Variants in TICRR observed in about 807,000 individuals in gnomAD.
TICRR encodes treslin.
TICRR carries 132 observed loss-of-function variants against 178.1 expected under a neutral mutation model. The ratio of observed to expected loss-of-function variants is 0.74; its 90% CI spans 0.64 to 0.86. The LOEUF (loss-of-function observed/expected upper bound fraction) is 0.86, where lower values mean the gene tolerates loss of function less well. TICRR is among the 40% of genes least tolerant of loss of function. TICRR has a pLI of 0.00. For missense variants in TICRR, 2,587 were observed against 2,334.3 expected (o/e 1.11, Z -2.23); for synonymous variants, 991 against 900.7 (o/e 1.10, Z -1.79).
rs770981918 is a variant in TICRR, at chr15:89,623,604, T to G, written c.3313-19T>G. On this transcript the variant is annotated intron_variant, in intron 19 of 21. Coordinates refer to ENST00000268138, the MANE Select transcript of TICRR (RefSeq NM_152259.4). ...GAGTTATAATATTCAAGGACTGAAA[T>G]AAGCATTTCTCTTTTCAGACTCCCA... is the stretch of plus-strand genomic sequence containing the variant. 1 of 1,586,602 alleles carries G rather than the reference T, an allele frequency of 6.3e-7. No homozygotes were observed. The highest frequency in any genetic ancestry group is 8.6e-7 in the Non-Finnish European group (1 of 1,169,158).
At position 89,627,228 on chromosome 15, in the gene TICRR, C is replaced by G; in HGVS notation, c.*142C>G. The G allele has an allele frequency of 1.0e-6, 1 of 995,004 alleles. No individual in the cohort carries two copies. Among genetic ancestry groups the G allele is most frequent in the Admixed American group, 2.6e-5 (1 of 38,110 alleles). 61.6% of individuals were successfully genotyped at this position (995,004 alleles called of 1,614,324 possible). On this transcript the variant is annotated 3_prime_UTR_variant, in exon 22 of 22. Transcript: ENST00000268138. ...TAGAATGCCTTAGGGTTTTCTAATT[C>G]CCCTTATGGATCCAATCCATCTCCT...
At chr15:89,615,628 T>G (rs1025686369) in intron 15 of TICRR, among the ~76,000 whole-genome samples, 1 of 152,186 alleles carries the variant, frequency 6.6e-6, no homozygotes, top group South Asian at 2.1e-4. Flanking sequence ...CCATTCTTAC[T>G]GGCATCACTC....
intron 1 of TICRR, among the ~76,000 whole-genome samples, chr15:89,581,761 T>A (rs1962730079): frequency 1.3e-5 from 2 of 152,190 alleles, no homozygotes; most frequent in African/African-American, 2.4e-5. Flanking sequence ...GGGAAGCCTT[T>A]CAGAATTTCA....
intron 9 of TICRR, among the ~76,000 whole-genome samples, 189 bp from the exon 10 acceptor site, chr15:89,601,109 C>A (rs1363968049): frequency 7.0e-6 from 1 of 142,894 alleles, no homozygotes; most frequent in East Asian, 2.1e-4. Context: ...GTAGCCAATT[C>A]TTTTTTATGT....
At chr15:89,579,302 C>T (rs7179431) in intron 1 of TICRR, among the ~76,000 whole-genome samples, 3,096 of 152,156 alleles carry the variant, frequency 0.02, 96 homozygotes, top group African/African-American at 0.066. Flanking sequence ...AATACGCATA[C>T]GAGTGAAAAA....
At chr15:89,596,335 A>G (rs1451328227) in intron 7 of TICRR, among the ~76,000 whole-genome samples, 2 of 151,494 alleles carry the variant, frequency 1.3e-5, no homozygotes, top group East Asian at 3.9e-4. Flanking sequence ...TTTCTGTTTT[A>G]TTCCTCTTTT....
intron 1 of TICRR, among the ~76,000 whole-genome samples, chr15:89,576,973 A>G (rs953712096): frequency 1.3e-5 from 2 of 151,254 alleles, no homozygotes; most frequent in Admixed American, 6.6e-5. Context: ...GCTCACTGCA[A>G]CCTCCACCCC....
intron 15 of TICRR, among the ~76,000 whole-genome samples, chr15:89,615,021 G>C (rs538434409): frequency 3.3e-4 from 51 of 152,322 alleles, no homozygotes; most frequent in African/African-American, 9.6e-4. Context: ...CTACACGTGT[G>C]TGGACTTTTG....
At position 89,600,667 on chromosome 15, in the gene TICRR, A is replaced by C. The variant is rs1963078457; in HGVS notation, c.2135A>C (p.Lys712Thr). The change falls in exon 9 of 22, where the codon AAG becomes ACG. Residue 712 changes from lysine (K) to threonine (T), a missense_variant. Physicochemically the swap from Lys to Thr is moderately conservative, Grantham distance 78. Transcript: ENST00000268138. ...CAGAATCTAGGAAAAAAACTGGATAAGGAAGACAAAGTTAGAGAGTAAGTA... is the reference window on the plus strand; with the variant it reads ...CAGAATCTAGGAAAAAAACTGGATACGGAAGACAAAGTTAGAGAGTAAGTA... Reference protein sequence around the residue: ...LRQNLGKKLDKEDKVRECQLQ... With the variant: ...LRQNLGKKLDTEDKVRECQLQ... The C allele has an allele frequency of 1.3e-6, 2 of 1,565,680 alleles. No homozygotes were observed. Among genetic ancestry groups the C allele is most frequent in the Non-Finnish European group, 1.7e-6 (2 of 1,144,538 alleles).
chr15:89,626,064 A>T lies in TICRR; in HGVS notation c.5602+3A>T, dbSNP rs1330077472. 6.2e-7 allele frequency: 1 copy of T among 1,613,544 alleles called. No individual in the cohort carries two copies. ...CTCTCAGAGCAAAGACCCCAGAGGT[A>T]ATGTTTGTTGAAGGTCTAGGACCCT... is the stretch of plus-strand genomic sequence containing the variant. On this transcript the variant is annotated splice_donor_region_variant and intron_variant, in intron 21 of 21. Transcript: ENST00000268138.
At chr15:89,583,962 G>A (rs1443275198) in intron 2 of TICRR, among the ~76,000 whole-genome samples, 1 of 152,064 alleles carries the variant, frequency 6.6e-6, no homozygotes, top group Non-Finnish European at 1.5e-5. Context: ...TGCTGAGATT[G>A]CAGGCATGAG....
intron 15 of TICRR, among the ~76,000 whole-genome samples, chr15:89,614,306 T>C (rs1181662566): frequency 6.6e-6 from 1 of 151,922 alleles, no homozygotes; most frequent in Non-Finnish European, 1.5e-5. Context: ...CATAATTTTG[T>C]TGACAACTGG....
intron 1 of TICRR, among the ~76,000 whole-genome samples, chr15:89,577,626 T>TTTTTA (rs1491014837): frequency 7.6e-6 from 1 of 131,996 alleles, no homozygotes; most frequent in Non-Finnish European, 1.5e-5. Context: ...TTTTTTTTTT[T>TTTTTA]GAGACAGAGT....
At chr15:89,614,857 C>T (rs763861721) in intron 15 of TICRR, among the ~76,000 whole-genome samples, 43 of 152,282 alleles carry the variant, frequency 2.8e-4, no homozygotes, top group Non-Finnish European at 5.7e-4. Context: ...TTTCACAGCC[C>T]CTACTGAGGG....
intron 1 of TICRR, among the ~76,000 whole-genome samples, chr15:89,577,191 C>T (rs957999150): frequency 6.6e-6 from 1 of 152,076 alleles, no homozygotes; most frequent in Admixed American, 6.6e-5. Context: ...CACGCCCAGC[C>T]ACCCAGATGT....
chr15:89,611,378 T>C (rs1233434157), intron 15 of TICRR, among the ~76,000 whole-genome samples: 1 of 152,222 alleles, frequency 6.6e-6, no homozygotes, highest in Non-Finnish European at 1.5e-5. Flanking sequence ...CTTATTAAGC[T>C]GCTTCTCTAT....
In TICRR at chr15:89,623,551, G is replaced by C. The variant is rs138837238; in HGVS notation, c.3313-72G>C. ...ACTATAAATCTCCCATTTGGTCTTA[G>C]AGATTACTAAAACACTTCAGAGATC... On this transcript the variant is annotated intron_variant, in intron 19 of 21. Transcript: ENST00000268138. 520 of 1,445,070 alleles carry C rather than the reference G, an allele frequency of 3.6e-4. 3 individuals carry two copies. In the African/African-American group the frequency reaches 6.5e-3, roughly 18 times the overall value. The allele number at this position is 1,445,070 out of a possible 1,614,324, so 89.5% of individuals were successfully genotyped here.
Position 89,580,529 on chromosome 15 carries a change from T to A in TICRR, c.655-2157T>A, listed in dbSNP as rs559973390. Among the ~76,000 whole-genome samples the A allele has an allele frequency of 3.9e-5, 6 of 152,336 alleles. No homozygotes were observed. The South Asian group carries it at 1.2e-3, about 32-fold the overall frequency. On this transcript the variant is annotated intron_variant, in intron 1 of 21. Coordinates refer to ENST00000268138, the MANE Select transcript of TICRR (RefSeq NM_152259.4). ...TAGATACATGGGTGGTAACATCACA[T>A]ACTAATTAATTGGTTAATCTAATAC...
At position 89,625,743 on chromosome 15, in the gene TICRR, A is replaced by C. The variant is rs774508518; in HGVS notation, c.5433A>C (p.Ala1811=). 15 of 1,612,740 alleles carry C rather than the reference A, an allele frequency of 9.3e-6. No homozygotes were observed. In the African/African-American group the frequency reaches 2.0e-4, roughly 22 times the overall value. ...AAGAGGGGTCTCCAAGTTGGAGTGC[A>C]TGGCAGCTACCCTCCACGGGAGACG... is the stretch of plus-strand genomic sequence containing the variant. ...KSKEGSPSWS[A]WQLPSTGDEE... The change falls in exon 20 of 22, where the codon GCA becomes GCC. Residue 1811 remains alanine (A), a synonymous_variant. Transcript: ENST00000268138.
Sources: allele counts gnomAD v4.1 joint callset (sites outside exome capture counted in the v4.1 genomes callset), GRCh38; gene constraint gnomAD v4.1.1; transcripts MANE v1.5; gene names NCBI Gene and HGNC (gene_info 2026-07-23, HGNC 2026-07-21).